EBF2: variants seen among roughly 807,000 people sequenced by gnomAD.
EBF2 encodes transcription factor COE2.
A neutral mutation model predicts 72.8 loss-of-function variants in EBF2; 21 were observed. The observed-to-expected ratio is 0.29, with a 90% confidence interval of 0.20 to 0.42. The LOEUF (loss-of-function observed/expected upper bound fraction) is 0.42. Among genes scored for constraint, EBF2 ranks in the 10% least tolerant of loss-of-function variants. The pLI, the probability that EBF2 is intolerant of heterozygous loss-of-function variation, is 1.00. For synonymous variants in EBF2, 299 were observed against 274.2 expected, an observed-to-expected ratio of 1.09 and a Z score of -0.89; for missense variants, 637 against 731.2, an observed-to-expected ratio of 0.87 and a Z score of 1.49.
chr8:25,879,050 A>C (rs1297488068), intron 10 of EBF2, among the ~76,000 whole-genome samples: 1 of 152,218 alleles, frequency 6.6e-6, no homozygotes, highest in African/African-American at 2.4e-5. Context: ...GCAACATGAA[A>C]AAAATTTAAA....
chr8:25,906,829 G>A (rs1803041528), intron 7 of EBF2, among the ~76,000 whole-genome samples: 1 of 152,070 alleles, frequency 6.6e-6, no homozygotes, highest in Admixed American at 6.5e-5. Context: ...GCCCAAGAGA[G>A]AAAAAGTCTC....
intron 6 of EBF2, among the ~76,000 whole-genome samples, chr8:26,030,613 C>T (rs910279355): frequency 6.6e-6 from 1 of 151,980 alleles, no homozygotes. Context: ...ACAAATGGAT[C>T]TGTTTATAGT....
At chr8:25,973,066 G>C (rs1185880075) in intron 6 of EBF2, among the ~76,000 whole-genome samples, 1 of 151,800 alleles carries the variant, frequency 6.6e-6, no homozygotes, top group Non-Finnish European at 1.5e-5. Context: ...TTTTCATTGA[G>C]TTTCCAAAGC....
intron 7 of EBF2, among the ~76,000 whole-genome samples, chr8:25,898,427 C>T (rs1802892050): frequency 6.6e-6 from 1 of 150,672 alleles, no homozygotes; most frequent in Non-Finnish European, 1.5e-5. Flanking sequence ...TTTAAAAACC[C>T]AATTGAGAAA....
intron 14 of EBF2, 95 bp from the exon 15 acceptor site, chr8:25,850,856 T>C (rs997399904): frequency 2.9e-6 from 4 of 1,394,210 alleles, no homozygotes; most frequent in Non-Finnish European, 2.9e-6. Context: ...TTAATTTCCA[T>C]GCATTGTTCC....
At chr8:25,973,556 C>T (rs1186986773) in intron 6 of EBF2, among the ~76,000 whole-genome samples, 1 of 152,064 alleles carries the variant, frequency 6.6e-6, no homozygotes, top group African/African-American at 2.4e-5. Flanking sequence ...ATGCAAACTA[C>T]ATTTTAATAA....
intron 6 of EBF2, among the ~76,000 whole-genome samples, chr8:25,945,462 G>C (rs1307299432): frequency 5.3e-5 from 8 of 151,892 alleles, no homozygotes; most frequent in Non-Finnish European, 1.2e-4. Flanking sequence ...GAAGCATCTT[G>C]CATCACCTGG....
intron 6 of EBF2, among the ~76,000 whole-genome samples, chr8:26,025,150 A>G (rs2117248702): frequency 1.3e-5 from 2 of 152,244 alleles, no homozygotes; most frequent in Middle Eastern, 6.8e-3. Flanking sequence ...AGTGTATACA[A>G]AGGGAGAAAA....
chr8:26,035,402 G>A (rs894127604), intron 5 of EBF2, among the ~76,000 whole-genome samples: 6 of 152,006 alleles, frequency 3.9e-5, no homozygotes, highest in Non-Finnish European at 5.9e-5. Flanking sequence ...TGCCCACATC[G>A]GCCTCCCAAA....
chr8:25,873,484 A>G (rs1444829815), intron 10 of EBF2, among the ~76,000 whole-genome samples: 1 of 152,182 alleles, frequency 6.6e-6, no homozygotes, highest in Non-Finnish European at 1.5e-5. Flanking sequence ...TAATGTAGCA[A>G]AAGTTCAGTG....
chr8:26,041,143 A>C, intron 2 of EBF2, 141 bp from the exon 3 acceptor site: 2 of 928,296 alleles, frequency 2.2e-6, no homozygotes, highest in Non-Finnish European at 3.3e-6. Flanking sequence ...GCCCTAGGTC[A>C]AAGGGCATGA....
intron 6 of EBF2, among the ~76,000 whole-genome samples, chr8:25,969,151 A>G (rs1563195845): frequency 2.0e-5 from 3 of 152,208 alleles, no homozygotes; most frequent in Admixed American, 6.5e-5. Context: ...AGACATCTCA[A>G]AGTGAAACCC....
chr8:25,915,423 A>C (rs912042501), intron 6 of EBF2, among the ~76,000 whole-genome samples: 4 of 152,178 alleles, frequency 2.6e-5, no homozygotes, highest in Non-Finnish European at 5.9e-5. Context: ...GCAAAATAAA[A>C]CAAGCAAACA....
At chr8:25,877,996 C>T (rs755795297) in intron 10 of EBF2, among the ~76,000 whole-genome samples, 7 of 152,102 alleles carry the variant, frequency 4.6e-5, no homozygotes, top group Non-Finnish European at 5.9e-5. Context: ...TAGGGAAACA[C>T]CTTTGGGTAA....
intron 6 of EBF2, among the ~76,000 whole-genome samples, chr8:25,969,761 G>A (rs1804163907): frequency 6.6e-6 from 1 of 152,230 alleles, no homozygotes; most frequent in African/African-American, 2.4e-5. Flanking sequence ...CTGGAGGGCA[G>A]TGGCGCGATC....
At chr8:25,850,108 T>A (rs1042411912) in intron 15 of EBF2, among the ~76,000 whole-genome samples, 10 of 152,188 alleles carry the variant, frequency 6.6e-5, no homozygotes, top group African/African-American at 2.4e-4. Context: ...TCTTACTTTT[T>A]AAAAAAATTT....
At chr8:25,920,342 C>T (rs1243508936) in intron 6 of EBF2, among the ~76,000 whole-genome samples, 2 of 152,222 alleles carry the variant, frequency 1.3e-5, no homozygotes, top group Non-Finnish European at 2.9e-5. Flanking sequence ...TGGCTAAACT[C>T]ACAGGGTGAA....
chr8:25,922,059 G>A (rs1803313321), intron 6 of EBF2, among the ~76,000 whole-genome samples: 1 of 152,164 alleles, frequency 6.6e-6, no homozygotes, highest in Non-Finnish European at 1.5e-5. Context: ...GGAGTCACTA[G>A]GATTTCTCAC....
rs771447643 is a variant in EBF2, at chr8:26,040,948, A to G, written c.343T>C (p.Tyr115His). 1 of 1,614,216 alleles carries G rather than the reference A, an allele frequency of 6.2e-7. No homozygotes were observed. Among genetic ancestry groups the G allele is most frequent in the Non-Finnish European group, 8.5e-7 (1 of 1,180,038 alleles). Residue 115 changes from tyrosine to histidine, a missense_variant, in exon 3 of 16, where the codon TAC (tyrosine) becomes CAC (histidine). Tyr to His is a moderately conservative substitution (Grantham distance 83, BLOSUM62 2). Coordinates refer to ENST00000520164, the MANE Select transcript of EBF2 (RefSeq NM_022659.4). ...NGTHYKLQLL[Y>H]SNGVRTEQDL... is the part of the protein sequence containing the mutation. ...CTGTAGAAGAGCTCACCGTTGCTGT[A>G]GAGGAGCTGTAACTTGTAGTGAGTG...
Sources: allele counts gnomAD v4.1 joint callset (sites outside exome capture counted in the v4.1 genomes callset), GRCh38; gene constraint gnomAD v4.1.1; transcripts MANE v1.5; gene names NCBI Gene and HGNC (gene_info 2026-07-23, HGNC 2026-07-21).